Variants in MAP4K3 observed in about 807,000 individuals in gnomAD.
MAP4K3 encodes MAPK/ERK kinase kinase kinase 3.
Under a neutral mutation model 143.5 loss-of-function variants are expected in MAP4K3, and 94 were observed. The observed-to-expected ratio is 0.65, with a 90% CI of 0.55 to 0.78. The LOEUF is 0.78. MAP4K3 is among the 30% of genes least tolerant of loss of function. The pLI is 0.00. For missense variants in MAP4K3, 1,077 were observed against 1,068.1 expected (o/e 1.01, Z -0.12); for synonymous variants, 416 against 347.2 (o/e 1.20, Z -2.20).
intron 13 of MAP4K3, among the ~76,000 whole-genome samples, chr2:39,314,814 A>G (rs1683059983): frequency 6.6e-6 from 1 of 152,202 alleles, no homozygotes; most frequent in African/African-American, 2.4e-5. Flanking sequence ...GACCTACTGA[A>G]TTGGACTCTA....
At position 39,436,900 on chromosome 2, in the gene MAP4K3, C is replaced by T. The variant is rs1665506149; in HGVS notation, c.88G>A (p.Val30Ile). 6.2e-7 allele frequency: 1 copy of T among 1,610,396 alleles called. No homozygotes were observed. The highest frequency in any genetic ancestry group is 8.5e-7 in the Non-Finnish European group (1 of 1,178,752). ...GCGGCCCCTGCCTTTACCTTGTAGA[C>T]GTCGCCGTAGGTGCCGCTGCCGATG... ...QRIGSGTYGD[V>I]YKARNVNTGE... Residue 30 changes from valine (V) to isoleucine (I), a missense_variant, in exon 1 of 34, where the codon GTC (valine) becomes ATC (isoleucine). Physicochemically the swap from Val to Ile is conservative, Grantham distance 29 (BLOSUM62 3). Transcript: ENST00000263881.
At chr2:39,398,416 A>G (rs1482687068) in intron 1 of MAP4K3, among the ~76,000 whole-genome samples, 2 of 152,114 alleles carry the variant, frequency 1.3e-5, no homozygotes, top group Non-Finnish European at 2.9e-5. Context: ...CCTTTTGCAT[A>G]AAGTCTAAAG....
At chr2:39,336,814 A>G in intron 6 of MAP4K3, 106 bp downstream of exon 6, 1 of 462,092 alleles carries the variant, frequency 2.2e-6, no homozygotes, top group Non-Finnish European at 3.9e-6. Context: ...TTATTATGGT[A>G]ACATTTCAGA....
intron 12 of MAP4K3, among the ~76,000 whole-genome samples, chr2:39,320,229 C>T (rs912589663): frequency 6.6e-6 from 1 of 152,140 alleles, no homozygotes; most frequent in Non-Finnish European, 1.5e-5. Context: ...GCTGTTTACA[C>T]GTTGCAAGTA....
intron 26 of MAP4K3, chr2:39,267,469 G>A (rs1299560007): frequency 4.4e-6 from 2 of 457,420 alleles, no homozygotes; most frequent in South Asian, 2.5e-5. Flanking sequence ...TCAAGACTTC[G>A]AGACCAGCCT....
chr2:39,251,277 G>T (rs765375088), intron 33 of MAP4K3, among the ~76,000 whole-genome samples: 2 of 152,126 alleles, frequency 1.3e-5, no homozygotes, highest in Non-Finnish European at 2.9e-5. Context: ...AGTCCTGCCC[G>T]CATGATCAAA....
chr2:39,436,677 G>A (rs897129786), intron 1 of MAP4K3: 10 of 552,810 alleles, frequency 1.8e-5, no homozygotes, highest in African/African-American at 1.2e-4. Context: ...CATGTCCACC[G>A]GGGGGGCTCA....
chr2:39,356,672 C>T (rs1259154243), intron 2 of MAP4K3, among the ~76,000 whole-genome samples: 1 of 151,998 alleles, frequency 6.6e-6, no homozygotes, highest in Non-Finnish European at 1.5e-5. Context: ...ATAATAATAG[C>T]CTATCTCATA....
chr2:39,417,040 A>C (rs536346657), intron 1 of MAP4K3, among the ~76,000 whole-genome samples: 1 of 152,316 alleles, frequency 6.6e-6, no homozygotes, highest in African/African-American at 2.4e-5. Flanking sequence ...GCACATAGTA[A>C]GTGGTGTATA....
intron 3 of MAP4K3, 114 bp downstream of exon 3, chr2:39,356,135 C>A: frequency 1.5e-6 from 1 of 649,224 alleles, no homozygotes; most frequent in South Asian, 2.3e-5. Context: ...AATATCCTAT[C>A]TTCAAAGCAT....
intron 1 of MAP4K3, among the ~76,000 whole-genome samples, chr2:39,399,442 T>C (rs921454227): frequency 1.8e-4 from 27 of 152,306 alleles, no homozygotes; most frequent in African/African-American, 6.0e-4. Flanking sequence ...ATTTCCAATA[T>C]ACATCACATC....
At chr2:39,405,175 C>A (rs1304310045) in intron 1 of MAP4K3, among the ~76,000 whole-genome samples, 1 of 152,202 alleles carries the variant, frequency 6.6e-6, no homozygotes, top group East Asian at 1.9e-4. Flanking sequence ...CGGGTGGCAA[C>A]AGAGGACCTT....
intron 19 of MAP4K3, among the ~76,000 whole-genome samples, chr2:39,289,353 G>T (rs2148476188): frequency 6.6e-6 from 1 of 152,192 alleles, no homozygotes; most frequent in East Asian, 1.9e-4. Flanking sequence ...TAAACCGAAT[G>T]ACAAGACTGA....
intron 6 of MAP4K3, among the ~76,000 whole-genome samples, chr2:39,336,567 A>T (rs560118170): frequency 3.3e-5 from 5 of 151,784 alleles, no homozygotes; most frequent in African/African-American, 1.2e-4. Context: ...TAGACTTAAG[A>T]CTGCGAAAGC....
chr2:39,383,607 G>A (rs1666409225), intron 1 of MAP4K3, among the ~76,000 whole-genome samples: 1 of 151,852 alleles, frequency 6.6e-6, no homozygotes, highest in Non-Finnish European at 1.5e-5. Context: ...TATGCCTATT[G>A]TACCGGTAGA....
intron 2 of MAP4K3, among the ~76,000 whole-genome samples, chr2:39,366,394 G>A (rs532174907): frequency 7.9e-5 from 12 of 152,168 alleles, no homozygotes; most frequent in South Asian, 6.3e-4. Flanking sequence ...AAGGGGTTGC[G>A]GAGACCAAGG....
intron 1 of MAP4K3, among the ~76,000 whole-genome samples, chr2:39,405,575 A>G (rs1309945716): frequency 1.3e-5 from 2 of 152,180 alleles, no homozygotes; most frequent in South Asian, 2.1e-4. Flanking sequence ...AACAAACTAA[A>G]TAAGACACCA....
At chr2:39,294,113 A>C (rs1682171169) in intron 16 of MAP4K3, 1 of 152,180 alleles carries the variant, frequency 6.6e-6, no homozygotes, top group African/African-American at 2.4e-5. Context: ...TATAGTTACT[A>C]ATATACTACT....
At chr2:39,326,703 C>G (rs923653337) in intron 8 of MAP4K3, among the ~76,000 whole-genome samples, 4 of 152,168 alleles carry the variant, frequency 2.6e-5, no homozygotes, top group African/African-American at 9.7e-5. Flanking sequence ...TCATCTCGAA[C>G]TGTAATCCCC....
Sources: gnomAD v4.1 joint callset for allele counts (sites outside exome capture counted in the v4.1 genomes callset) on GRCh38, gnomAD v4.1.1 for gene constraint, MANE v1.5 for transcripts, NCBI Gene and HGNC (gene_info 2026-07-23, HGNC 2026-07-21) for gene names.